USP32: variants seen among roughly 807,000 people sequenced by gnomAD.
The protein encoded by USP32 is ubiquitin carboxyl-terminal hydrolase 32.
Under a neutral mutation model 204.8 loss-of-function variants are expected in USP32, and 59 were observed. The observed-to-expected ratio is 0.29, with a 90% CI of 0.23 to 0.36. The LOEUF is 0.36. Among genes scored for constraint, USP32 ranks in the 10% least tolerant of loss-of-function variants. USP32 has a pLI of 1.00. For synonymous variants in USP32, 517 were observed against 678.4 expected, an observed-to-expected ratio of 0.76 and a Z score of 3.70; for missense variants, 1,160 against 1,946.4, an observed-to-expected ratio of 0.60 and a Z score of 7.60.
chr17:60,257,740 T>A (rs1037923452), intron 9 of USP32, among the ~76,000 whole-genome samples: 3 of 151,734 alleles, frequency 2.0e-5, no homozygotes, highest in African/African-American at 7.3e-5. Context: ...TACCTTGGCC[T>A]CCCAAGGTGC....
intron 10 of USP32, among the ~76,000 whole-genome samples, chr17:60,253,507 T>G (rs748565641): frequency 6.6e-6 from 1 of 152,022 alleles, no homozygotes; most frequent in Non-Finnish European, 1.5e-5. Context: ...GGCTCATATC[T>G]ATAATCCTAG....
intron 28 of USP32, among the ~76,000 whole-genome samples, chr17:60,192,429 A>G (rs2084409280): frequency 6.6e-6 from 1 of 152,206 alleles, no homozygotes; most frequent in Admixed American, 6.5e-5. Context: ...TATTGACCTC[A>G]AAAGGAAGTG....
At chr17:60,329,826 AAT>A (rs2088336801) in intron 2 of USP32, among the ~76,000 whole-genome samples, 1 of 152,188 alleles carries the variant, frequency 6.6e-6, no homozygotes, top group Non-Finnish European at 1.5e-5. Flanking sequence ...CAACACATAG[AAT>A]ACCAACTCCT....
At chr17:60,244,995 T>G (rs898489856) in intron 11 of USP32, among the ~76,000 whole-genome samples, 1 of 152,350 alleles carries the variant, frequency 6.6e-6, no homozygotes, top group East Asian at 1.9e-4. Context: ...ACTAAAAAAG[T>G]GTAGAAACTA....
intron 23 of USP32, 104 bp downstream of exon 23, chr17:60,208,550 A>C: frequency 7.2e-7 from 1 of 1,397,234 alleles, no homozygotes; most frequent in Non-Finnish European, 9.3e-7. Context: ...TATGCTGACT[A>C]CCGGTCTTTA....
intron 12 of USP32, chr17:60,231,724 T>C: frequency 2.6e-6 from 1 of 384,730 alleles, no homozygotes; most frequent in South Asian, 2.0e-5. Context: ...TGAATAGTAA[T>C]AGCTGCTCCT....
Position 60,209,948 on chromosome 17 carries a change from CAT to C in USP32, c.2425-407_2425-406del, listed in dbSNP as rs536006717. 2.2e-3 allele frequency among the ~76,000 whole-genome samples: 337 copies of C among 151,930 alleles called. 5 individuals carry two copies. The highest frequency in any genetic ancestry group is 0.019 in the East Asian group (97 of 5,170). ...TTATAGGTACATAGTATATACATAACATATGCATAAAATAATGTGTATATAAT... is the reference window on the plus strand; with the variant it reads ...TTATAGGTACATAGTATATACATAACATGCATAAAATAATGTGTATATAAT... On this transcript the variant is annotated intron_variant, in intron 21 of 33. Transcript: ENST00000300896.
At chr17:60,358,822 T>A (rs1014679016) in intron 1 of USP32, among the ~76,000 whole-genome samples, 1 of 152,184 alleles carries the variant, frequency 6.6e-6, no homozygotes, top group African/African-American at 2.4e-5. Context: ...CACTGACAAC[T>A]AAGAAAATAT....
At chr17:60,289,476 C>T (rs887961245) in intron 4 of USP32, among the ~76,000 whole-genome samples, 2 of 152,148 alleles carry the variant, frequency 1.3e-5, no homozygotes, top group Non-Finnish European at 2.9e-5. Flanking sequence ...CAGGTGTCCT[C>T]CTAGAGTAGA....
At chr17:60,342,009 T>G (rs1598266227) in intron 2 of USP32, among the ~76,000 whole-genome samples, 1 of 152,328 alleles carries the variant, frequency 6.6e-6, no homozygotes, top group East Asian at 1.9e-4. Context: ...TTTTCAGCTT[T>G]TCTGCTCTGG....
chr17:60,345,344 A>C, intron 2 of USP32, 137 bp downstream of exon 2: 1 of 1,265,122 alleles, frequency 7.9e-7, no homozygotes, highest in Non-Finnish European at 1.1e-6. Flanking sequence ...ATCTAAAACA[A>C]AACATTGTTT....
At chr17:60,387,552 T>C (rs1204978147) in intron 1 of USP32, among the ~76,000 whole-genome samples, 1 of 152,216 alleles carries the variant, frequency 6.6e-6, no homozygotes, top group Admixed American at 6.5e-5. Context: ...TATGCATATA[T>C]ACTACTTTTG....
At chr17:60,382,185 T>A (rs895781706) in intron 1 of USP32, among the ~76,000 whole-genome samples, 3 of 152,254 alleles carry the variant, frequency 2.0e-5, no homozygotes, top group Non-Finnish European at 2.9e-5. Flanking sequence ...CAGATCCTTA[T>A]CTGTCAAAAC....
intron 9 of USP32, among the ~76,000 whole-genome samples, chr17:60,256,408 G>C (rs1198782140): frequency 6.6e-6 from 1 of 152,142 alleles, no homozygotes; most frequent in Non-Finnish European, 1.5e-5. Context: ...ACTTACAGCA[G>C]AGGAAGTGCT....
At chr17:60,252,639 C>G (rs912458244) in intron 10 of USP32, among the ~76,000 whole-genome samples, 197 bp from the exon 11 acceptor site, 2 of 151,754 alleles carry the variant, frequency 1.3e-5, no homozygotes, top group African/African-American at 4.8e-5. Flanking sequence ...ACAAGCCATT[C>G]CAATGGAAGC....
intron 1 of USP32, among the ~76,000 whole-genome samples, chr17:60,419,963 G>A (rs958637651): frequency 4.3e-4 from 64 of 148,568 alleles, no homozygotes; most frequent in African/African-American, 1.5e-3. Flanking sequence ...GAGTTCAAGC[G>A]ATTCTCCTGC....
rs1466116275 is a variant in USP32 at position 60,214,767 on chromosome 17, T to C, written c.1875A>G (p.Val625=). ...QSNIWVNMGN[V]PSPNAPLKRV... ...GCTTTAAAGGTGCATTCGGAGAAGG[T>C]ACATTTCCTATGGTTACAGTAATCA... Residue 625 remains valine, a synonymous_variant, in exon 17 of 34, where the codon GTA becomes GTG. Coordinates refer to ENST00000300896, the MANE Select transcript of USP32 (RefSeq NM_032582.4). The C allele has an allele frequency of 4.3e-6, 7 of 1,613,938 alleles. No individual in the cohort carries two copies. The highest frequency in any genetic ancestry group is 1.7e-5 in the Admixed American group (1 of 60,022).
intron 1 of USP32, among the ~76,000 whole-genome samples, chr17:60,379,210 C>T (rs1420535104): frequency 6.6e-6 from 1 of 152,044 alleles, no homozygotes; most frequent in East Asian, 1.9e-4. Context: ...GAAAAACATA[C>T]CTTTTAGTAA....
chr17:60,328,726 C>T (rs1275526986), intron 2 of USP32, among the ~76,000 whole-genome samples: 5 of 152,222 alleles, frequency 3.3e-5, no homozygotes, highest in East Asian at 3.8e-4. Context: ...TGGGGCCCTG[C>T]GGTTCCTGAT....
Sources: allele counts gnomAD v4.1 joint callset (sites outside exome capture counted in the v4.1 genomes callset), GRCh38; gene constraint gnomAD v4.1.1; transcripts MANE v1.5; gene names NCBI Gene and HGNC (gene_info 2026-07-23, HGNC 2026-07-21).